The following IL1RAPL2 variants were observed in gnomAD, a reference collection of about 807,000 sequenced individuals.
IL1RAPL2 encodes interleukin 1 receptor accessory protein like 2.
Under a neutral mutation model 44.1 loss-of-function variants are expected in IL1RAPL2, and 3 were observed. The observed-to-expected ratio is 0.07, with a 90% CI of 0.03 to 0.18. The LOEUF is 0.18. Ranked by LOEUF, IL1RAPL2 falls within the 10% of genes least tolerant of loss-of-function variation. The pLI, the probability that IL1RAPL2 is intolerant of heterozygous loss-of-function variation, is 1.00. For synonymous variants in IL1RAPL2, 181 were observed against 178.8 expected (o/e 1.01, Z -0.10); for missense variants, 391 against 496.4 (o/e 0.79, Z 2.02).
chrX:105,687,825 T>C (rs2037996098), intron 6 of IL1RAPL2, among the ~76,000 whole-genome samples: 1 of 111,543 alleles, frequency 9.0e-6, no homozygotes, highest in Admixed American at 9.5e-5. Flanking sequence ...AAATCCTCAA[T>C]AAAAACTGGC....
At chrX:104,618,375 T>C (rs1929320435) in intron 1 of IL1RAPL2, among the ~76,000 whole-genome samples, 1 of 112,222 alleles carries the variant, frequency 8.9e-6, no homozygotes, top group African/African-American at 3.2e-5. Flanking sequence ...GCAGGTCCAC[T>C]TACAGGTTCT....
intron 2 of IL1RAPL2, among the ~76,000 whole-genome samples, chrX:105,019,117 T>C (rs1442447551): frequency 1.8e-5 from 2 of 111,994 alleles, no homozygotes; most frequent in Admixed American, 1.9e-4. Flanking sequence ...TTTAGTCAAT[T>C]ATAAACCAAG....
At chrX:104,905,530 A>G (rs1296738388) in intron 2 of IL1RAPL2, among the ~76,000 whole-genome samples, 1 of 111,938 alleles carries the variant, frequency 8.9e-6, no homozygotes, top group South Asian at 3.7e-4. Flanking sequence ...ATGGCTAGCC[A>G]ATTTTCCCAG....
At chrX:105,383,082 C>T (rs1368267991) in intron 5 of IL1RAPL2, among the ~76,000 whole-genome samples, 1 of 108,809 alleles carries the variant, frequency 9.2e-6, no homozygotes, top group African/African-American at 3.4e-5. Flanking sequence ...AACAAACCTG[C>T]ACGTTGTGCA....
chrX:105,489,992 T>A (rs754393144), intron 6 of IL1RAPL2, among the ~76,000 whole-genome samples: 1 of 109,065 alleles, frequency 9.2e-6, no homozygotes, highest in Non-Finnish European at 1.9e-5. Flanking sequence ...CACGCCCAGA[T>A]AATTTTTGTA....
chrX:104,871,726 A>G (rs1188281190), intron 2 of IL1RAPL2, among the ~76,000 whole-genome samples: 2 of 111,849 alleles, frequency 1.8e-5, no homozygotes, highest in African/African-American at 3.2e-5. Flanking sequence ...GATATCTTCA[A>G]TATTAACAAA....
At chrX:105,116,492 A>C (rs1426531357) in intron 2 of IL1RAPL2, among the ~76,000 whole-genome samples, 1 of 98,684 alleles carries the variant, frequency 1.0e-5, no homozygotes, top group Non-Finnish European at 1.9e-5. Context: ...TTCCCATAGC[A>C]GATTGACATA....
intron 2 of IL1RAPL2, among the ~76,000 whole-genome samples, chrX:104,819,054 T>A (rs769412793): frequency 8.9e-6 from 1 of 112,253 alleles, no homozygotes; most frequent in South Asian, 3.7e-4. Flanking sequence ...ACAGAGCCAA[T>A]AGCCTTCATG....
intron 6 of IL1RAPL2, among the ~76,000 whole-genome samples, chrX:105,664,215 T>C (rs1406391432): frequency 1.8e-5 from 2 of 111,718 alleles, no homozygotes; most frequent in Non-Finnish European, 3.8e-5. Flanking sequence ...AAGAAAATCA[T>C]TGAGGAGAAA....
chrX:104,795,108 A>G (rs1396865764), intron 2 of IL1RAPL2, among the ~76,000 whole-genome samples: 1 of 111,668 alleles, frequency 9.0e-6, no homozygotes, highest in Non-Finnish European at 1.9e-5. Flanking sequence ...GAAGATTTGG[A>G]AGCCAAGTTC....
At chrX:104,637,024 A>G (rs371091740) in intron 1 of IL1RAPL2, among the ~76,000 whole-genome samples, 5 of 109,243 alleles carry the variant, frequency 4.6e-5, no homozygotes, top group Admixed American at 1.9e-4. Flanking sequence ...CCTTGTAGCA[A>G]TCCTCCACCT....
At chrX:105,742,777 T>C (rs2038511410) in intron 8 of IL1RAPL2, among the ~76,000 whole-genome samples, 1 of 111,286 alleles carries the variant, frequency 9.0e-6, no homozygotes, top group African/African-American at 3.3e-5. Flanking sequence ...TTCTCACCTG[T>C]ATACTCAATT....
chrX:105,479,300 T>C (rs111900286), intron 5 of IL1RAPL2, among the ~76,000 whole-genome samples: 9,763 of 111,660 alleles, frequency 0.087, 1,044 homozygotes, highest in African/African-American at 0.3. Context: ...AGATATTAAG[T>C]AAATCATAAC....
At chrX:104,870,709 T>G (rs1922739121) in intron 2 of IL1RAPL2, among the ~76,000 whole-genome samples, 1 of 112,137 alleles carries the variant, frequency 8.9e-6, no homozygotes. Flanking sequence ...TTATATTTTC[T>G]ATCTCCGTGA....
chrX:105,269,300 C>T (rs761132343), intron 5 of IL1RAPL2, among the ~76,000 whole-genome samples: 1 of 110,369 alleles, frequency 9.1e-6, no homozygotes, highest in South Asian at 3.8e-4. Flanking sequence ...TGCTACAACC[C>T]ATATATTTAA....
intron 6 of IL1RAPL2, among the ~76,000 whole-genome samples, chrX:105,665,984 G>A (rs867709092): frequency 7.4e-4 from 80 of 108,456 alleles, no homozygotes; most frequent in African/African-American, 2.6e-3. Context: ...GGATGGTCTC[G>A]ATCTCCTGAC....
At chrX:104,644,899 G>A (rs1411215972) in intron 1 of IL1RAPL2, among the ~76,000 whole-genome samples, 1 of 111,010 alleles carries the variant, frequency 9.0e-6, no homozygotes, top group Non-Finnish European at 1.9e-5. Context: ...TTCTAACCCC[G>A]CTACACCACT....
chrX:105,126,194 T>C (rs1274910919), intron 2 of IL1RAPL2, among the ~76,000 whole-genome samples: 1 of 111,345 alleles, frequency 9.0e-6, no homozygotes, highest in African/African-American at 3.3e-5. Flanking sequence ...CAATGTACTT[T>C]CTCTTCCATT....
chrX:104,638,484 T>C (rs1929870866), intron 1 of IL1RAPL2, among the ~76,000 whole-genome samples: 1 of 111,927 alleles, frequency 8.9e-6, no homozygotes, highest in African/African-American at 3.2e-5. Flanking sequence ...ACTTTTTCAG[T>C]GTAGGCATTT....
Sources: allele counts gnomAD v4.1 joint callset (sites outside exome capture counted in the v4.1 genomes callset), GRCh38; gene constraint gnomAD v4.1.1; transcripts MANE v1.5; gene names NCBI Gene and HGNC (gene_info 2026-07-23, HGNC 2026-07-21).